Variants in LRRC7 observed in about 807,000 individuals in gnomAD.
LRRC7 encodes the protein leucine-rich repeat-containing protein 7.
In LRRC7, 23 loss-of-function variants were observed where a neutral mutation model predicts 175.7. The observed-to-expected ratio is 0.13, with a 90% CI of 0.09 to 0.19. The LOEUF is 0.19. LRRC7 is among the 10% of genes least tolerant of loss of function. The pLI, the probability that LRRC7 is intolerant of heterozygous loss-of-function variation, is 1.00. For synonymous variants in LRRC7, 685 were observed against 680.9 expected, an observed-to-expected ratio of 1.01 and a Z score of -0.09; for missense variants, 1,354 against 1,904.7, an observed-to-expected ratio of 0.71 and a Z score of 5.38.
intron 1 of LRRC7, among the ~76,000 whole-genome samples, chr1:69,676,117 A>G (rs994776049): frequency 4.0e-5 from 6 of 151,840 alleles, no homozygotes; most frequent in African/African-American, 1.2e-4. Flanking sequence ...TTAAGCCCCA[A>G]TGATAAGTTC....
intron 4 of LRRC7, among the ~76,000 whole-genome samples, chr1:69,818,889 T>G (rs1678903760): frequency 6.6e-6 from 1 of 152,134 alleles, no homozygotes; most frequent in South Asian, 2.1e-4. Flanking sequence ...TATAATTTCT[T>G]GTAGTGGTAT....
At chr1:70,044,165 T>G in intron 22 of LRRC7, 71 bp downstream of exon 22, 3 of 1,531,738 alleles carry the variant, frequency 2.0e-6, no homozygotes, top group Non-Finnish European at 2.7e-6. Flanking sequence ...CTTAATGTGT[T>G]TAGGCTATAC....
intron 7 of LRRC7, among the ~76,000 whole-genome samples, chr1:69,928,297 C>T (rs1023217034): frequency 1.3e-5 from 2 of 152,202 alleles, no homozygotes; most frequent in Non-Finnish European, 1.5e-5. Flanking sequence ...GTTCTCAGAT[C>T]TCCAGCTGCG....
chr1:69,669,518 G>T, intron 1 of LRRC7, among the ~76,000 whole-genome samples: 1 of 151,958 alleles, frequency 6.6e-6, no homozygotes, highest in East Asian at 1.9e-4. Context: ...CTTGACCTTT[G>T]GGAGTTTGAT....
At chr1:69,767,265 T>A (rs916369013) in intron 3 of LRRC7, among the ~76,000 whole-genome samples, 18 of 152,126 alleles carry the variant, frequency 1.2e-4, no homozygotes, top group Middle Eastern at 3.2e-3. Context: ...GTCATTTTTT[T>A]AAAAAATAGA....
At chr1:69,812,252 C>T (rs916080455) in intron 4 of LRRC7, among the ~76,000 whole-genome samples, 2 of 152,096 alleles carry the variant, frequency 1.3e-5, no homozygotes, top group Non-Finnish European at 2.9e-5. Context: ...ACTTATATCC[C>T]AACGTAGTTT....
intron 2 of LRRC7, among the ~76,000 whole-genome samples, chr1:69,742,180 A>G (rs1286340017): frequency 1.3e-5 from 2 of 152,074 alleles, no homozygotes; most frequent in Non-Finnish European, 2.9e-5. Flanking sequence ...TGGAATTGTA[A>G]GTATTACTTT....
At chr1:69,966,812 G>A (rs912101410) in intron 8 of LRRC7, among the ~76,000 whole-genome samples, 4 of 152,346 alleles carry the variant, frequency 2.6e-5, no homozygotes, top group South Asian at 2.1e-4. Context: ...AGGAAGCAGC[G>A]GGAAAATCCC....
At chr1:70,054,046 C>A (rs1660946070) in intron 23 of LRRC7, among the ~76,000 whole-genome samples, 1 of 152,114 alleles carries the variant, frequency 6.6e-6, no homozygotes. Flanking sequence ...GAAACATTAT[C>A]ACTTTGGTAA....
chr1:69,618,884 T>C (rs1650098298), intron 1 of LRRC7, among the ~76,000 whole-genome samples: 1 of 152,202 alleles, frequency 6.6e-6, no homozygotes, highest in African/African-American at 2.4e-5. Flanking sequence ...ATAGCTTCTG[T>C]CTCCTTGCCA....
intron 4 of LRRC7, among the ~76,000 whole-genome samples, chr1:69,795,272 C>T (rs1039314489): frequency 6.6e-5 from 10 of 151,652 alleles, no homozygotes; most frequent in African/African-American, 2.4e-4. Context: ...CCCAGCTACT[C>T]AGGAGGTTGA....
chr1:69,979,026 C>T (rs1653135360), intron 8 of LRRC7, among the ~76,000 whole-genome samples: 1 of 151,874 alleles, frequency 6.6e-6, no homozygotes, highest in Non-Finnish European at 1.5e-5. Context: ...TAGAAATGCT[C>T]CATCCTTAGA....
At chr1:69,738,783 T>G (rs1668394413) in intron 2 of LRRC7, among the ~76,000 whole-genome samples, 1 of 152,054 alleles carries the variant, frequency 6.6e-6, no homozygotes, top group African/African-American at 2.4e-5. Context: ...TTTAATAAAC[T>G]ATCAGGAATT....
chr1:69,657,471 G>A (rs1656817412), intron 1 of LRRC7, among the ~76,000 whole-genome samples: 1 of 151,784 alleles, frequency 6.6e-6, no homozygotes, highest in Non-Finnish European at 1.5e-5. Flanking sequence ...CATCCGATTT[G>A]AAAAGTATAA....
chr1:69,694,065 GA>G (rs945455173), intron 2 of LRRC7, among the ~76,000 whole-genome samples: 1 of 152,014 alleles, frequency 6.6e-6, no homozygotes, highest in Non-Finnish European at 1.5e-5. Flanking sequence ...TCCCATCCAG[GA>G]AAAAATTTCT....
intron 4 of LRRC7, among the ~76,000 whole-genome samples, chr1:69,794,160 T>C (rs1433153062): frequency 6.6e-6 from 1 of 152,222 alleles, no homozygotes; most frequent in African/African-American, 2.4e-5. Context: ...GAGTATTTCA[T>C]CTGAAGGAGA....
chr1:69,902,578 C>CA (rs5774997), intron 7 of LRRC7, among the ~76,000 whole-genome samples: 4 of 147,154 alleles, frequency 2.7e-5, no homozygotes, highest in South Asian at 2.1e-4. Flanking sequence ...CAAAACAAAA[C>CA]AAAAAAAAAA....
chr1:70,027,271 G>A (rs1658221670), intron 17 of LRRC7, among the ~76,000 whole-genome samples: 1 of 151,998 alleles, frequency 6.6e-6, no homozygotes, highest in Non-Finnish European at 1.5e-5. Context: ...TGCACAACTT[G>A]TACTTATTCT....
Position 69,881,048 on chromosome 1 carries a change from A to T in LRRC7, c.647+42765A>T, listed in dbSNP as rs146421907. Among the ~76,000 whole-genome samples, 498 of 152,358 alleles carry T rather than the reference A, an allele frequency of 3.3e-3. 1 individual carries two copies. The highest frequency in any genetic ancestry group is 0.011 in the African/African-American group (449 of 41,586). ...TTTCCCTGGATCCCCAAACATGTGC[A>T]CATGGGACTTTGGATATAAAATTTC... On this transcript the variant is annotated intron_variant, in intron 7 of 26. Coordinates refer to ENST00000651989, the MANE Select transcript of LRRC7 (RefSeq NM_001370785.2).
Sources: gnomAD v4.1 joint callset for allele counts (sites outside exome capture counted in the v4.1 genomes callset) on GRCh38, gnomAD v4.1.1 for gene constraint, MANE v1.5 for transcripts, NCBI Gene and HGNC (gene_info 2026-07-23, HGNC 2026-07-21) for gene names.